Variants in FRMPD4 observed in about 807,000 individuals in gnomAD.
FRMPD4 encodes FERM and PDZ domain containing 4.
Under a neutral mutation model 94.1 loss-of-function variants are expected in FRMPD4, and 22 were observed. The ratio of observed to expected loss-of-function variants is 0.23; its 90% CI spans 0.17 to 0.33. The LOEUF (loss-of-function observed/expected upper bound fraction) is 0.33, where lower values mean the gene tolerates loss of function less well. Ranked by LOEUF, FRMPD4 falls within the 10% of genes least tolerant of loss-of-function variation. FRMPD4 has a pLI of 1.00. For missense variants in FRMPD4, 1,111 were observed against 1,339.9 expected, an observed-to-expected ratio of 0.83 and a Z score of 2.67; for synonymous variants, 631 against 548.6, an observed-to-expected ratio of 1.15 and a Z score of -2.10.
At chrX:12,702,250 C>G (rs183077619) in intron 10 of FRMPD4, among the ~76,000 whole-genome samples, 12 of 112,286 alleles carry the variant, frequency 1.1e-4, no homozygotes, top group Admixed American at 5.6e-4. Flanking sequence ...TTTTGAATTC[C>G]TAAAGGGGCT....
chrX:12,023,713 C>T (rs1254962415), intron 3 of FRMPD4, among the ~76,000 whole-genome samples: 1 of 111,515 alleles, frequency 9.0e-6, no homozygotes, highest in Non-Finnish European at 1.9e-5. Flanking sequence ...GGTCTTTATG[C>T]TCTCTCATCC....
chrX:12,034,867 C>T lies in FRMPD4; in HGVS notation c.95+156849C>T, dbSNP rs150528442. On this transcript the variant is annotated intron_variant, in intron 3 of 18. Transcript: ENST00000640291. ...ACACACAACTGATAAAAGCAACCAG[C>T]GTTTGAGTGTTTCCTACAGCCTTGT... Among the ~76,000 whole-genome samples the T allele has an allele frequency of 2.5e-3, 278 of 112,331 alleles. 1 individual carries two copies. Among genetic ancestry groups the T allele is most frequent in the African/African-American group, 7.6e-3 (236 of 30,928 alleles).
intron 3 of FRMPD4, among the ~76,000 whole-genome samples, chrX:11,899,403 A>T (rs1204547248): frequency 4.1e-5 from 4 of 97,824 alleles, no homozygotes; most frequent in African/African-American, 1.2e-4. Flanking sequence ...TTTTTTTTGC[A>T]GCTGACACTT....
At chrX:11,900,190 A>ATT (rs10712905) in intron 3 of FRMPD4, among the ~76,000 whole-genome samples, 2 of 104,232 alleles carry the variant, frequency 1.9e-5, no homozygotes. Context: ...GTTTCAGAGG[A>ATT]TTTTTTTTTT....
intron 4 of FRMPD4, 22 bp downstream of exon 4, chrX:12,614,903 G>T (rs764861239): frequency 7.8e-6 from 7 of 901,123 alleles, no homozygotes; most frequent in Non-Finnish European, 1.1e-5. Flanking sequence ...ATTCACCTGT[G>T]TCCTGTTCTG....
At chrX:11,851,054 C>T (rs765409732) in intron 1 of FRMPD4, among the ~76,000 whole-genome samples, 1 of 111,754 alleles carries the variant, frequency 8.9e-6, no homozygotes, top group East Asian at 2.8e-4. Context: ...TCATGACTTA[C>T]CCTGCCCCGG....
chrX:11,968,812 A>G (rs985913724), intron 3 of FRMPD4, among the ~76,000 whole-genome samples: 21 of 112,037 alleles, frequency 1.9e-4, no homozygotes, highest in African/African-American at 6.8e-4. Flanking sequence ...CATTGTTATT[A>G]CTGTCAGGTG....
chrX:12,480,333 GAAAAAAA>G (rs35074731), intron 1 of FRMPD4, among the ~76,000 whole-genome samples: 1 of 54,670 alleles, frequency 1.8e-5, no homozygotes, highest in Non-Finnish European at 3.1e-5. Context: ...GAAAAGAAAT[GAAAAAAA>G]AAAAAAAAAA....
chrX:12,314,636 C>A (rs1307109041), intron 1 of FRMPD4, among the ~76,000 whole-genome samples: 2 of 111,670 alleles, frequency 1.8e-5, no homozygotes, highest in Non-Finnish European at 3.8e-5. Context: ...TTGGGAAAAT[C>A]TGAGGTTATG....
At chrX:12,333,478 TG>T (rs2055464669) in intron 1 of FRMPD4, among the ~76,000 whole-genome samples, 1 of 111,819 alleles carries the variant, frequency 8.9e-6, no homozygotes, top group African/African-American at 3.2e-5. Flanking sequence ...GCTGACAAAA[TG>T]AATCTTCATT....
At chrX:12,541,666 A>G (rs1450573610) in intron 2 of FRMPD4, among the ~76,000 whole-genome samples, 3 of 111,829 alleles carry the variant, frequency 2.7e-5, no homozygotes, top group Non-Finnish European at 3.8e-5. Flanking sequence ...GAGGTACAAG[A>G]AGGAGCTGGT....
intron 3 of FRMPD4, among the ~76,000 whole-genome samples, chrX:11,989,662 A>G (rs188373549): frequency 1.8e-5 from 2 of 112,339 alleles, no homozygotes; most frequent in Admixed American, 1.9e-4. Context: ...GTTTTAACAC[A>G]AAGGATAAAT....
At chrX:12,442,669 C>T (rs1404066184) in intron 1 of FRMPD4, among the ~76,000 whole-genome samples, 1 of 111,518 alleles carries the variant, frequency 9.0e-6, no homozygotes, top group African/African-American at 3.3e-5. Context: ...AACAGTCTGA[C>T]TGGCTGTTCC....
At chrX:11,873,289 CAG>C (rs1308592451) in intron 2 of FRMPD4, among the ~76,000 whole-genome samples, 2 of 109,808 alleles carry the variant, frequency 1.8e-5, no homozygotes, top group Non-Finnish European at 3.8e-5. Flanking sequence ...AGAAGTAAAA[CAG>C]ATTTCATTTG....
chrX:12,397,260 TTTA>T (rs1414272537), intron 1 of FRMPD4, among the ~76,000 whole-genome samples: 1 of 110,505 alleles, frequency 9.0e-6, no homozygotes, highest in Non-Finnish European at 1.9e-5. Flanking sequence ...GAAACTTTTT[TTTA>T]AAAAAAAAAA....
At chrX:11,876,126 G>A (rs946402070) in intron 2 of FRMPD4, among the ~76,000 whole-genome samples, 6 of 108,959 alleles carry the variant, frequency 5.5e-5, no homozygotes, top group East Asian at 2.9e-4. Context: ...CGCCCGCCTC[G>A]GCCTCCCCAC....
At position 12,716,639 on chromosome X, in the gene FRMPD4, C is replaced by T; in HGVS notation, c.2180C>T (p.Ala727Val). Residue 727 changes from alanine to valine, a missense_variant, in exon 15 of 17, where the codon GCC becomes GTC. Physicochemically the swap from Ala to Val is moderately conservative, Grantham distance 64 (BLOSUM62 0). Transcript: ENST00000675598. ...ANIGDVKSFQ[A>V]AEGIEEPLLH... ...ATAGGCGATGTGAAGAGCTTCCAGG[C>T]CGCGGAGGGGATCGAGGAACCCCTC... 1 of 1,210,208 alleles carries T rather than the reference C, an allele frequency of 8.3e-7. No homozygotes were observed. The highest frequency in any genetic ancestry group is 1.1e-6 in the Non-Finnish European group (1 of 894,176).
intron 2 of FRMPD4, among the ~76,000 whole-genome samples, chrX:12,568,646 G>A (rs992938569): frequency 1.8e-5 from 2 of 112,036 alleles, no homozygotes; most frequent in African/African-American, 6.5e-5. Flanking sequence ...GGGGTTTGGG[G>A]TACTGGGACA....
At chrX:12,289,683 G>A (rs2147873615) in intron 1 of FRMPD4, among the ~76,000 whole-genome samples, 1 of 111,414 alleles carries the variant, frequency 9.0e-6, no homozygotes, top group South Asian at 3.9e-4. Flanking sequence ...GGCTGTTTCT[G>A]ACCCGGCCCA....
Sources: allele counts gnomAD v4.1 joint callset (sites outside exome capture counted in the v4.1 genomes callset), GRCh38; gene constraint gnomAD v4.1.1; transcripts MANE v1.5; gene names NCBI Gene and HGNC (gene_info 2026-07-23, HGNC 2026-07-21).